Variants in TMEM239 observed in about 807,000 individuals in gnomAD.
TMEM239 encodes the protein transmembrane protein 239.
Under a neutral mutation model 14.6 loss-of-function variants are expected in TMEM239, and 10 were observed. The ratio of observed to expected loss-of-function variants is 0.68; its 90% CI spans 0.42 to 1.16. TMEM239 has a LOEUF of 1.16. Ranked by LOEUF, TMEM239 falls within the 50% of genes most tolerant of loss-of-function variation. The probability of loss-of-function intolerance (pLI) is 0.00; values close to 1 mark genes in which losing one functional copy is unlikely to be tolerated. For missense variants in TMEM239, 183 were observed against 194.4 expected, an observed-to-expected ratio of 0.94 and a Z score of 0.35; for synonymous variants, 94 against 89.9, an observed-to-expected ratio of 1.05 and a Z score of -0.26.
In TMEM239 at chr20:2,817,575, C is replaced by T. The variant is rs968760693; in HGVS notation, c.*562C>T. 6 of 159,630 alleles carry T rather than the reference C, an allele frequency of 3.8e-5. No homozygotes were observed. Among genetic ancestry groups the T allele is most frequent in the South Asian group, 3.7e-4 (2 of 5,350 alleles). The allele number at this position is 159,630 out of a possible 1,614,324, so 9.9% of individuals were successfully genotyped here. On this transcript the variant is annotated 3_prime_UTR_variant, in exon 2 of 2. Transcript: ENST00000380585. ...CTCGCTCTCCAAACCTTGCAGCCCA[C>T]GCATCCTCCTCCCTAGACTTCCTAC...
rs142148313 is a variant in TMEM239, at chr20:2,817,417, C to G, written c.*404C>G. 2,070 of 328,726 alleles carry G rather than the reference C, an allele frequency of 6.3e-3. 9 individuals carry two copies. Among genetic ancestry groups the G allele is most frequent in the Non-Finnish European group, 8.9e-3 (1,592 of 178,782 alleles). The allele number at this position is 328,726 out of a possible 1,614,324, so 20.4% of individuals were successfully genotyped here. A position where few individuals can be genotyped will look rare whatever the true frequency, so the allele number is the denominator to read the frequency against. On this transcript the variant is annotated 3_prime_UTR_variant, in exon 2 of 2. Transcript: ENST00000380585. ...TCACTGAGAACTTCTACCTGGGTAC[C>G]ACTGGCCTTGCCATTCCTCCCACCA... is the stretch of plus-strand genomic sequence containing the variant.
At chr20:2,816,490 T>G (rs1600278976) in intron 1 of TMEM239, 54 bp from the exon 2 acceptor site, 41 of 1,297,204 alleles carry the variant, frequency 3.2e-5, no homozygotes, top group African/African-American at 5.0e-5. Context: ...ACCCCCTCTC[T>G]GCCCCCCCCC....
chr20:2,817,194 C>A lies in TMEM239; in HGVS notation c.*181C>A. 1 of 778,800 alleles carries A rather than the reference C, an allele frequency of 1.3e-6. No homozygotes were observed. The highest frequency in any genetic ancestry group is 2.0e-6 in the Non-Finnish European group (1 of 498,664). The allele number at this position is 778,800 out of a possible 1,614,324, so 48.2% of individuals were successfully genotyped here. ...CTTCCTCAAGTCAATGCTGCAGGTTCCTGGTGTGAGGGGCTGGGGGCTTTG... is the reference window on the plus strand; with the variant it reads ...CTTCCTCAAGTCAATGCTGCAGGTTACTGGTGTGAGGGGCTGGGGGCTTTG... On this transcript the variant is annotated 3_prime_UTR_variant, in exon 2 of 2. Coordinates refer to ENST00000380585, the MANE Select transcript of TMEM239 (RefSeq NM_001167670.3).
At position 2,816,953 on chromosome 20, in the gene TMEM239, C is replaced by A. The variant is rs1362037281; in HGVS notation, c.399C>A (p.Ser133Arg). The A allele has an allele frequency of 6.5e-7, 1 of 1,538,406 alleles. No individual in the cohort carries two copies. Among genetic ancestry groups the A allele is most frequent in the Non-Finnish European group, 8.7e-7 (1 of 1,147,054 alleles). ...SFLLLFSTLL[S>R]LVGLLTSMTH... ...TGCTGCTCTTCTCCACACTGCTGAG[C>A]CTTGTGGGCCTCCTCACCTCCATGA... The change falls in exon 2 of 2, where the codon AGC (serine) becomes AGA (arginine). Residue 133 changes from serine (S) to arginine (R), a missense_variant. Transcript: ENST00000380585.
In TMEM239 at chr20:2,816,402, G is replaced by T; in HGVS notation, c.-25G>T. The T allele has an allele frequency of 1.3e-6, 2 of 1,535,910 alleles. No individual in the cohort carries two copies. The highest frequency in any genetic ancestry group is 8.7e-7 in the Non-Finnish European group (1 of 1,146,846). ...CGCTGCAGGAAGCAACATGACTTAG[G>T]TAACTGCCCAGAGGTAAGTCCCAGT... On this transcript the variant is annotated 5_prime_UTR_variant, in exon 1 of 2. Transcript: ENST00000380585.
chr20:2,815,847 C>T (rs2088662967), upstream of TMEM239: 2 of 1,060,232 alleles, frequency 1.9e-6, no homozygotes, highest in Admixed American at 2.2e-5. Flanking sequence ...CCCCTTTTCT[C>T]CTTCCTGGCT....
At position 2,817,096 on chromosome 20, in the gene TMEM239, G is replaced by C. The variant is rs1307777983; in HGVS notation, c.*83G>C. On this transcript the variant is annotated 3_prime_UTR_variant, in exon 2 of 2. Coordinates refer to ENST00000380585, the MANE Select transcript of TMEM239 (RefSeq NM_001167670.3). ...CCCACGGGGAGAGGGAGGGCAATGG[G>C]ATCAGGGCTCCCTGCCTTGGCAGGG... 6.7e-7 allele frequency: 1 copy of C among 1,493,764 alleles called. No individual in the cohort carries two copies. The highest frequency in any genetic ancestry group is 2.5e-5 in the East Asian group (1 of 40,382). The allele number at this position is 1,493,764 out of a possible 1,614,324, so 92.5% of individuals were successfully genotyped here. A position where few individuals can be genotyped will look rare whatever the true frequency, so the allele number is the denominator to read the frequency against.
upstream of TMEM239, among the ~76,000 whole-genome samples, chr20:2,816,096 T>C (rs2146578979): frequency 6.6e-6 from 1 of 152,128 alleles, no homozygotes; most frequent in South Asian, 2.1e-4. Flanking sequence ...GAGAGCAGTT[T>C]GGAAAGGGGT....
upstream of TMEM239, chr20:2,816,235 G>A: frequency 9.7e-7 from 1 of 1,035,968 alleles, no homozygotes; most frequent in Non-Finnish European, 1.4e-6. Context: ...CCGTGCAGAG[G>A]GACTTGGGTG....
upstream of TMEM239, chr20:2,816,298 G>A (rs1361987161): frequency 6.5e-7 from 1 of 1,527,430 alleles, no homozygotes; most frequent in South Asian, 1.2e-5. Context: ...CCCCAGCCCG[G>A]GTCACAAAGG....
In TMEM239 at chr20:2,817,017, G is replaced by C; in HGVS notation, c.*4G>C. ...CACTCAGGATTTGGATCAATAGAAGGGCAACCCCATCCCACTGCCTGTGTC... is the reference window on the plus strand; with the variant it reads ...CACTCAGGATTTGGATCAATAGAAGCGCAACCCCATCCCACTGCCTGTGTC... On this transcript the variant is annotated 3_prime_UTR_variant, in exon 2 of 2. Coordinates refer to ENST00000380585, the MANE Select transcript of TMEM239 (RefSeq NM_001167670.3). 6.5e-7 allele frequency: 1 copy of C among 1,537,870 alleles called. No homozygotes were observed.
At position 2,817,544 on chromosome 20, in the gene TMEM239, AACTC is replaced by A. The variant is rs981961228; in HGVS notation, c.*536_*539del. ...CTGGCCAGAAGCCCCAGGAGACCTC[AACTC>A]ACTCGCTCTCCAAACCTTGCAGCCC... On this transcript the variant is annotated 3_prime_UTR_variant, in exon 2 of 2. Transcript: ENST00000380585. 1.2e-5 allele frequency: 2 copies of A among 165,446 alleles called. No individual in the cohort carries two copies. The highest frequency in any genetic ancestry group is 4.8e-5 in the African/African-American group (2 of 41,708). 10.2% of individuals were successfully genotyped at this position (165,446 alleles called of 1,614,324 possible).
At chr20:2,818,310 A>G (rs2088698974), downstream of TMEM239, 1 of 152,306 alleles carries the variant, frequency 6.6e-6, no homozygotes, top group Non-Finnish European at 1.5e-5. Flanking sequence ...AGTAAGGTAC[A>G]TGATAGACAA....
At position 2,817,314 on chromosome 20, in the gene TMEM239, G is replaced by T; in HGVS notation, c.*301G>T. ...AGCCACTGATAGCGCCCATATGGAT[G>T]TGATGATACCCGTGGGGCCCCCTTG... On this transcript the variant is annotated 3_prime_UTR_variant, in exon 2 of 2. Coordinates refer to ENST00000380585, the MANE Select transcript of TMEM239 (RefSeq NM_001167670.3). 27 of 553,816 alleles carry T rather than the reference G, an allele frequency of 4.9e-5. No homozygotes were observed. Among genetic ancestry groups the T allele is most frequent in the South Asian group, 1.3e-4 (5 of 37,040 alleles). 34.3% of individuals were successfully genotyped at this position (553,816 alleles called of 1,614,324 possible). A position where few individuals can be genotyped will look rare whatever the true frequency, so the allele number is the denominator to read the frequency against.
chr20:2,816,500 C>CCCCCG lies in TMEM239; in HGVS notation c.-11-41_-11-40insCGCCC, dbSNP rs759421273. On this transcript the variant is annotated intron_variant, in intron 1 of 1. Transcript: ENST00000380585. ...CCTGCACCCCCTCTCTGCCCCCCCC[C>CCCCCG]CCCAAGGTCCCAGGCATCTTCAAGA... 1,004 of 1,525,454 alleles carry CCCCCG rather than the reference C, an allele frequency of 6.6e-4. 5 individuals carry two copies. The highest frequency in any genetic ancestry group is 6.2e-3 in the South Asian group (505 of 81,576). 94.5% of individuals were successfully genotyped at this position (1,525,454 alleles called of 1,614,324 possible). A position where few individuals can be genotyped will look rare whatever the true frequency, so the allele number is the denominator to read the frequency against.
Position 2,817,329 on chromosome 20 carries a change from G to GC in TMEM239, c.*316_*317insC. On this transcript the variant is annotated 3_prime_UTR_variant, in exon 2 of 2. Transcript: ENST00000380585. ...CCATATGGATGTGATGATACCCGTG[G>GC]GGCCCCCTTGGCAACTGACAGCATC... 45 of 504,034 alleles carry GC rather than the reference G, an allele frequency of 8.9e-5. No homozygotes were observed. The highest frequency in any genetic ancestry group is 3.2e-4 in the Admixed American group (9 of 28,206). 31.2% of individuals were successfully genotyped at this position (504,034 alleles called of 1,614,324 possible).
chr20:2,817,075 C>T lies in TMEM239; in HGVS notation c.*62C>T, dbSNP rs1300031287. 2.7e-5 allele frequency: 41 copies of T among 1,523,754 alleles called. No individual in the cohort carries two copies. Among genetic ancestry groups the T allele is most frequent in the East Asian group, 2.2e-4 (9 of 40,756 alleles). 94.4% of individuals were successfully genotyped at this position (1,523,754 alleles called of 1,614,324 possible). A position where few individuals can be genotyped will look rare whatever the true frequency, so the allele number is the denominator to read the frequency against. On this transcript the variant is annotated 3_prime_UTR_variant, in exon 2 of 2. Coordinates refer to ENST00000380585, the MANE Select transcript of TMEM239 (RefSeq NM_001167670.3). ...CCCTGGCCTAGGGCCTGAGACCCCA[C>T]GGGGAGAGGGAGGGCAATGGGATCA...
In TMEM239 at chr20:2,816,779, G is replaced by C; in HGVS notation, c.225G>C (p.Leu75=). The C allele has an allele frequency of 6.4e-7, 1 of 1,551,178 alleles. No individual in the cohort carries two copies. The highest frequency in any genetic ancestry group is 8.7e-7 in the Non-Finnish European group (1 of 1,146,988). The change falls in exon 2 of 2, where the codon CTG becomes CTC. Residue 75 remains leucine (L), a synonymous_variant. Coordinates refer to ENST00000380585, the MANE Select transcript of TMEM239 (RefSeq NM_001167670.3). ...LEGILYLLLA[L]MLCHALFTTG... The stretch of plus-strand genomic sequence containing the variant: ...GGATACTCTACCTGCTGCTGGCACT[G>C]ATGTTGTGCCATGCACTCTTCACCA...
rs2088673719 is a variant in TMEM239 at position 2,816,528 on chromosome 20, C to T, written c.-11-16C>T. ...CAAGGTCCCAGGCATCTTCAAGACC[C>T]TGGCCCTCTCCCCAGGTGCACCAGA... On this transcript the variant is annotated splice_polypyrimidine_tract_variant and intron_variant, in intron 1 of 1. Transcript: ENST00000380585. 1 of 1,484,152 alleles carries T rather than the reference C, an allele frequency of 6.7e-7. No individual in the cohort carries two copies. Among genetic ancestry groups the T allele is most frequent in the Non-Finnish European group, 8.9e-7 (1 of 1,117,710 alleles). 91.9% of individuals were successfully genotyped at this position (1,484,152 alleles called of 1,614,324 possible).
Sources: allele counts gnomAD v4.1 joint callset (sites outside exome capture counted in the v4.1 genomes callset), GRCh38; gene constraint gnomAD v4.1.1; transcripts MANE v1.5; gene names NCBI Gene and HGNC (gene_info 2026-07-23, HGNC 2026-07-21).